Variants in ZNF721 observed in about 807,000 individuals in gnomAD.
ZNF721 encodes the protein zinc finger protein 721.
A neutral mutation model predicts 2.4 loss-of-function variants in ZNF721; 2 were observed. The observed-to-expected ratio is 0.82, with a 90% CI of 0.34 to 2.58. The LOEUF is 2.58. Ranked by LOEUF, ZNF721 falls within the 30% of genes most tolerant of loss-of-function variation. The probability of loss-of-function intolerance (pLI) is 0.11; values close to 1 mark genes in which losing one functional copy is unlikely to be tolerated. For synonymous variants in ZNF721, 398 were observed against 381.8 expected (o/e 1.04, Z -0.50); for missense variants, 1,187 against 1,085.5 (o/e 1.09, Z -1.31).
rs1553863615 is a variant in ZNF721 at position 443,344 on chromosome 4, C to A, written c.1123G>T (p.Ala375Ser). Residue 375 changes from alanine (A) to serine (S), a missense_variant, in exon 3 of 3, where the codon GCC becomes TCC. Ala to Ser is a moderately conservative substitution (Grantham distance 99). Transcript: ENST00000511833. The stretch of plus-strand genomic sequence containing the variant: ...TGAATTTTCTTGTGTTGATTCAGGG[C>A]TGTGTACCGTCCAAAGGCTTTGCCA... ...DCGKAFGRYT[A>S]LNQHKKIHTG... 6.2e-7 allele frequency: 1 copy of A among 1,612,948 alleles called. No homozygotes were observed. Among genetic ancestry groups the A allele is most frequent in the Admixed American group, 1.7e-5 (1 of 59,922 alleles).
Position 442,235 on chromosome 4 carries a change from C to A in ZNF721, c.2232G>T (p.Lys744Asn). Residue 744 changes from lysine (K) to asparagine (N), a missense_variant, in exon 3 of 3, where the codon AAG becomes AAT. Transcript: ENST00000511833. Reference sequence around the variant, plus strand: ...AGAGTTTATCTCCAGTATGAATTTTCTTATATTCGTTCAGGTTTGTGGACC... The same window carrying A: ...AGAGTTTATCTCCAGTATGAATTTTATTATATTCGTTCAGGTTTGTGGACC... The part of the protein sequence containing the change: ...FGWSTNLNEY[K>N]KIHTGDKLYK... 1 of 1,613,170 alleles carries A rather than the reference C, an allele frequency of 6.2e-7. No individual in the cohort carries two copies. The highest frequency in any genetic ancestry group is 1.3e-5 in the African/African-American group (1 of 75,034).
In ZNF721 at chr4:442,678, ACCGTCCAAAGGCTT is replaced by A; in HGVS notation, c.1775_1788del (p.Lys592IlefsTer20). The stretch of plus-strand genomic sequence containing the variant: ...TTCTTGTGTTGATTCAGGTCTGTGT[ACCGTCCAAAGGCTT>A]TGCCACACTCTTCACATTTGTAAGG... On this transcript the variant is annotated frameshift_variant, in exon 3 of 3. Coordinates refer to ENST00000511833, the MANE Select transcript of ZNF721 (RefSeq NM_133474.4). LOFTEE classifies it low-confidence loss of function (END_TRUNC). 1 of 1,614,100 alleles carries A rather than the reference ACCGTCCAAAGGCTT, an allele frequency of 6.2e-7. No individual in the cohort carries two copies. Among genetic ancestry groups the A allele is most frequent in the Non-Finnish European group, 8.5e-7 (1 of 1,179,974 alleles).
chr4:496,707 CTTTTT>C (rs781947891), intron 1 of ZNF721, among the ~76,000 whole-genome samples: 4 of 83,840 alleles, frequency 4.8e-5, no homozygotes, highest in African/African-American at 1.4e-4. Flanking sequence ...TACATGACTT[CTTTTT>C]TTTTTTTTTT....
intron 1 of ZNF721, among the ~76,000 whole-genome samples, chr4:486,806 C>G (rs1715909514): frequency 6.6e-6 from 1 of 152,204 alleles, no homozygotes; most frequent in Non-Finnish European, 1.5e-5. Context: ...ACCCAATGCT[C>G]AGCAATTTTC....
At chr4:465,227 T>C (rs1429200647) in intron 2 of ZNF721, among the ~76,000 whole-genome samples, 2 of 151,662 alleles carry the variant, frequency 1.3e-5, no homozygotes, top group Non-Finnish European at 1.5e-5. Flanking sequence ...TACAAAAAAA[T>C]ACCAAAAAAC....
intron 1 of ZNF721, among the ~76,000 whole-genome samples, chr4:477,826 G>A (rs879967596): frequency 6.6e-6 from 1 of 152,092 alleles, no homozygotes; most frequent in South Asian, 2.1e-4. Context: ...GGATTTGACC[G>A]CTATATGACC....
chr4:448,367 C>T (rs1239900167), intron 2 of ZNF721, among the ~76,000 whole-genome samples: 4 of 150,482 alleles, frequency 2.7e-5, no homozygotes, highest in African/African-American at 7.3e-5. Context: ...ATCTGGGAGG[C>T]GGAGCTTGCA....
chr4:449,947 TGTAA>T (rs1369245210), intron 2 of ZNF721, among the ~76,000 whole-genome samples: 8 of 152,272 alleles, frequency 5.3e-5, no homozygotes, highest in Admixed American at 3.9e-4. Flanking sequence ...TCGGTAAAAT[TGTAA>T]GTTAGTAGAG....
chr4:474,749 G>A (rs1409293177), intron 1 of ZNF721, among the ~76,000 whole-genome samples: 1 of 151,934 alleles, frequency 6.6e-6, no homozygotes, highest in African/African-American at 2.4e-5. Flanking sequence ...GGTGGTGGGC[G>A]CCTGTAATCC....
At chr4:483,506 C>T (rs1452499987) in intron 1 of ZNF721, among the ~76,000 whole-genome samples, 26 of 151,540 alleles carry the variant, frequency 1.7e-4, no homozygotes, top group African/African-American at 6.1e-4. Flanking sequence ...GAGCCAAGAT[C>T]GCGCCACTGC....
At position 441,810 on chromosome 4, in the gene ZNF721, AT is replaced by A. The variant is rs782350598; in HGVS notation, c.2656del (p.Ile886PhefsTer73). On this transcript the variant is annotated frameshift_variant, in exon 3 of 3. Transcript: ENST00000511833. LOFTEE classifies it low-confidence loss of function (END_TRUNC). ...QSANLYAHKK[I>X]HTGEKPYTCG... ...CGTGTAGGGTTTCTCTCCAGTATGAATTTTCTTATGCGCATAAAGATTTGCA... is the reference window on the plus strand; with the variant it reads ...CGTGTAGGGTTTCTCTCCAGTATGAATTTCTTATGCGCATAAAGATTTGCA... The A allele has an allele frequency of 1.9e-6, 3 of 1,613,826 alleles. No individual in the cohort carries two copies. The highest frequency in any genetic ancestry group is 2.7e-5 in the African/African-American group (2 of 74,916).
chr4:467,309 G>A (rs752219808), intron 2 of ZNF721, among the ~76,000 whole-genome samples: 4 of 151,926 alleles, frequency 2.6e-5, no homozygotes, highest in Admixed American at 6.6e-5. Flanking sequence ...ATATCTTGTC[G>A]GATCATACAA....
intron 2 of ZNF721, among the ~76,000 whole-genome samples, chr4:451,699 T>C (rs187025256): frequency 1.2e-4 from 19 of 152,352 alleles, no homozygotes; most frequent in Middle Eastern, 3.4e-3. Context: ...CTTAAAGGTA[T>C]TGTGTGTGTG....
intron 1 of ZNF721, among the ~76,000 whole-genome samples, chr4:488,273 A>C (rs138325771): frequency 1.4e-4 from 22 of 152,178 alleles, no homozygotes; most frequent in African/African-American, 5.3e-4. Context: ...ACTCACACTC[A>C]CGGTCTTCCT....
chr4:485,063 C>A (rs1338634975), intron 1 of ZNF721, among the ~76,000 whole-genome samples: 2 of 152,070 alleles, frequency 1.3e-5, no homozygotes, highest in Non-Finnish European at 2.9e-5. Context: ...TAGAAAAGAA[C>A]CTATGTGAAT....
At chr4:481,870 T>C (rs1715778352) in intron 1 of ZNF721, among the ~76,000 whole-genome samples, 1 of 152,208 alleles carries the variant, frequency 6.6e-6, no homozygotes, top group Non-Finnish European at 1.5e-5. Context: ...CAAAAGAATA[T>C]TTGGTAGTAG....
intron 1 of ZNF721, among the ~76,000 whole-genome samples, chr4:494,866 A>C (rs1243104273): frequency 1.3e-5 from 2 of 150,888 alleles, no homozygotes; most frequent in Non-Finnish European, 2.9e-5. Flanking sequence ...TTGAGGTTAG[A>C]CCATGTGATG....
chr4:450,949 AAAAAAAAATATATAT>A lies in ZNF721; in HGVS notation c.35-6532_35-6518del, dbSNP rs1314431157. The stretch of plus-strand genomic sequence containing the variant: ...AAGACTCTGTCTCCAAAAAAAAAAA[AAAAAAAAATATATAT>A]ATATATATATATATATATATATATA... On this transcript the variant is annotated intron_variant, in intron 2 of 2. Transcript: ENST00000511833. 8.9e-4 allele frequency among the ~76,000 whole-genome samples: 42 copies of A among 46,934 alleles called. 2 individuals are homozygous for A. The highest frequency in any genetic ancestry group is 2.8e-3 in the Admixed American group (10 of 3,538). The allele number at this position is 46,934 out of a possible 152,430, so 30.8% of individuals were successfully genotyped here. A position where few individuals can be genotyped will look rare whatever the true frequency, so the allele number is the denominator to read the frequency against.
In ZNF721 at chr4:443,823, T is replaced by G; in HGVS notation, c.644A>C (p.His215Pro). The part of the protein sequence containing the change: ...STNLNEYKKI[H>P]TGDKPYKCKE... ...ACATTTGTAGGGTTTATCTCCAGTA[T>G]GAATTTTCTTATATTCATTCAGGTT... The change falls in exon 3 of 3, where the codon CAT becomes CCT. Residue 215 changes from histidine (H) to proline (P), a missense_variant. By Grantham distance (77) the His-to-Pro change is moderately conservative (BLOSUM62 -2). Transcript: ENST00000511833. 6.2e-7 allele frequency: 1 copy of G among 1,614,012 alleles called. No individual in the cohort carries two copies. The highest frequency in any genetic ancestry group is 8.5e-7 in the Non-Finnish European group (1 of 1,179,922).
Sources: allele counts gnomAD v4.1 joint callset (sites outside exome capture counted in the v4.1 genomes callset), GRCh38; gene constraint gnomAD v4.1.1; transcripts MANE v1.5; gene names NCBI Gene and HGNC (gene_info 2026-07-23, HGNC 2026-07-21).